The following CPXM2 variants were observed in gnomAD, a reference collection of about 807,000 sequenced individuals.
The protein encoded by CPXM2 is inactive carboxypeptidase-like protein X2.
CPXM2 carries 66 observed loss-of-function variants against 86.1 expected under a neutral mutation model. That is an observed-to-expected ratio of 0.77 (90% CI 0.63 to 0.94). The LOEUF (loss-of-function observed/expected upper bound fraction) is 0.94. CPXM2 is among the 40% of genes least tolerant of loss of function. The pLI, the probability that CPXM2 is intolerant of heterozygous loss-of-function variation, is 0.00. For missense variants in CPXM2, 948 were observed against 1,026.3 expected, an observed-to-expected ratio of 0.92 and a Z score of 1.04; for synonymous variants, 388 against 400.2, an observed-to-expected ratio of 0.97 and a Z score of 0.36.
chr10:123,838,152 C>A (rs1210651183), intron 4 of CPXM2, among the ~76,000 whole-genome samples: 1 of 152,202 alleles, frequency 6.6e-6, no homozygotes, highest in Admixed American at 6.5e-5. Flanking sequence ...TAAGATTATG[C>A]ATGTTCATTT....
chr10:123,801,382 C>T (rs2013096), intron 4 of CPXM2, among the ~76,000 whole-genome samples: 9,414 of 152,192 alleles, frequency 0.062, 293 homozygotes, highest in Non-Finnish European at 0.07. Context: ...ATTAAATCTC[C>T]TTTTCTTTAT....
chr10:123,935,670 G>GAA (rs936334029), intron 2 of CPXM2, among the ~76,000 whole-genome samples: 3 of 152,138 alleles, frequency 2.0e-5, no homozygotes, highest in African/African-American at 7.2e-5. Context: ...AAGATGGGAA[G>GAA]AAAAATAGCC....
At chr10:123,929,008 T>C (rs1371757659) in intron 2 of CPXM2, among the ~76,000 whole-genome samples, 1 of 152,166 alleles carries the variant, frequency 6.6e-6, no homozygotes, top group Non-Finnish European at 1.5e-5. Context: ...GGGGCACTCC[T>C]ACAGGGGGCC....
intron 6 of CPXM2, among the ~76,000 whole-genome samples, chr10:123,789,839 C>A (rs758325849): frequency 6.6e-6 from 1 of 151,876 alleles, no homozygotes; most frequent in Non-Finnish European, 1.5e-5. Flanking sequence ...GCAGGGGTGG[C>A]CGGGTGCGGT....
intron 7 of CPXM2, among the ~76,000 whole-genome samples, chr10:123,774,080 C>A (rs1221260374): frequency 6.6e-6 from 1 of 152,198 alleles, no homozygotes; most frequent in Non-Finnish European, 1.5e-5. Context: ...GAGCCAGGCA[C>A]CTGACCATGC....
At position 123,767,125 on chromosome 10, in the gene CPXM2, C is replaced by G. The variant is rs779359925; in HGVS notation, c.1327G>C (p.Gly443Arg). Residue 443 changes from glycine (G) to arginine (R), a missense_variant, in exon 10 of 14, where the codon GGA becomes CGA. By Grantham distance (125) the Gly-to-Arg change is moderately radical. Transcript: ENST00000241305. Reference sequence around the variant, plus strand: ...TCAATTCCATCGTGGGTCCAGCGTCCCAGGGACCAGCCTCCCAGCTCCGAG... The same window carrying G: ...TCAATTCCATCGTGGGTCCAGCGTCGCAGGGACCAGCCTCCCAGCTCCGAG... ...GGSELGGWSL[G>R]RWTHDGIDIN... 3.7e-5 allele frequency: 60 copies of G among 1,613,962 alleles called. No homozygotes were observed. The highest frequency in any genetic ancestry group is 4.9e-5 in the Non-Finnish European group (58 of 1,180,032).
chr10:123,812,685 G>A (rs1365308137), intron 4 of CPXM2, among the ~76,000 whole-genome samples: 5 of 152,198 alleles, frequency 3.3e-5, no homozygotes, highest in Admixed American at 2.6e-4. Context: ...ATCAGCGGTG[G>A]CATTAGGGCA....
chr10:123,910,639 G>A (rs867815403), intron 2 of CPXM2, among the ~76,000 whole-genome samples: 4 of 152,220 alleles, frequency 2.6e-5, no homozygotes, highest in Admixed American at 6.5e-5. Flanking sequence ...CATAACTGGT[G>A]TGAAATACAG....
chr10:123,778,727 A>T (rs1846862569), intron 7 of CPXM2, among the ~76,000 whole-genome samples: 1 of 152,216 alleles, frequency 6.6e-6, no homozygotes, highest in Non-Finnish European at 1.5e-5. Flanking sequence ...TGAGCTCAAG[A>T]AGCTGTCCTG....
Position 123,821,986 on chromosome 10 carries a change from A to T in CPXM2, c.653+20363T>A, listed in dbSNP as rs144227938. On this transcript the variant is annotated intron_variant, in intron 4 of 13. Coordinates refer to ENST00000241305, the MANE Select transcript of CPXM2 (RefSeq NM_198148.3). The stretch of plus-strand genomic sequence containing the variant: ...AGGGACTTATAACATTTTAAACACC[A>T]GAATAATTATTAGATAAGACAGGTT... 1.9e-3 allele frequency among the ~76,000 whole-genome samples: 282 copies of T among 152,320 alleles called. 1 individual carries two copies. Among genetic ancestry groups the T allele is most frequent in the African/African-American group, 6.4e-3 (267 of 41,580 alleles).
chr10:123,812,645 C>A (rs909568007), intron 4 of CPXM2, among the ~76,000 whole-genome samples: 2 of 152,196 alleles, frequency 1.3e-5, no homozygotes, highest in African/African-American at 4.8e-5. Flanking sequence ...GGTGAGTGAG[C>A]ATTACCAACT....
intron 7 of CPXM2, among the ~76,000 whole-genome samples, chr10:123,775,430 G>A (rs1320998421): frequency 6.6e-6 from 1 of 152,208 alleles, no homozygotes; most frequent in Non-Finnish European, 1.5e-5. Flanking sequence ...TTCAGCCCAG[G>A]CTGGCTTCCT....
At chr10:123,941,725 A>T (rs1945778996), upstream of CPXM2, among the ~76,000 whole-genome samples, 1 of 152,166 alleles carries the variant, frequency 6.6e-6, no homozygotes, top group Non-Finnish European at 1.5e-5. Flanking sequence ...ACCCCAGAGG[A>T]CTTTCCCCCT....
intron 2 of CPXM2, among the ~76,000 whole-genome samples, chr10:123,922,161 G>A (rs1945584155): frequency 6.6e-6 from 1 of 152,162 alleles, no homozygotes; most frequent in Non-Finnish European, 1.5e-5. Flanking sequence ...GAGCACCCAT[G>A]CCCCACACTT....
rs1361946520 is a variant in CPXM2, at chr10:123,891,611, C to G, written c.49G>C (p.Ala17Pro). 16 of 1,503,780 alleles carry G rather than the reference C, an allele frequency of 1.1e-5. No individual in the cohort carries two copies. Among genetic ancestry groups the G allele is most frequent in the Non-Finnish European group, 1.4e-5 (16 of 1,125,710 alleles). The allele number at this position is 1,503,780 out of a possible 1,614,324, so 93.2% of individuals were successfully genotyped here. A position where few individuals can be genotyped will look rare whatever the true frequency, so the allele number is the denominator to read the frequency against. The change falls in exon 1 of 14, where the codon GCA (alanine) becomes CCA (proline). Residue 17 changes from alanine (A) to proline (P), a missense_variant. Ala to Pro is a conservative substitution (Grantham distance 27, BLOSUM62 -1). Transcript: ENST00000241305. This position sits in a 1 kb window ranked among gnomAD's most constrained non-coding sequence, Gnocchi z 5.6. ...GCTCCGACCCCGGCCAGGGTCACTGCCAGGAGCACCAGGGCCAGCGCTGGG... is the reference window on the plus strand; with the variant it reads ...GCTCCGACCCCGGCCAGGGTCACTGGCAGGAGCACCAGGGCCAGCGCTGGG... ...ATPALALVLL[A>P]VTLAGVGAQG... is the part of the protein sequence containing the mutation.
chr10:123,788,953 T>C (rs1847138270), intron 6 of CPXM2, among the ~76,000 whole-genome samples: 2 of 150,474 alleles, frequency 1.3e-5, no homozygotes, highest in South Asian at 2.1e-4. Context: ...AGGTGCTTGG[T>C]CACAAGAGAT....
At position 123,751,005 on chromosome 10, in the gene CPXM2, C is replaced by T. The variant is rs114414349; in HGVS notation, c.2017+3658G>A. On this transcript the variant is annotated intron_variant, in intron 13 of 13. Coordinates refer to ENST00000241305, the MANE Select transcript of CPXM2 (RefSeq NM_198148.3). The stretch of plus-strand genomic sequence containing the variant: ...CCCCATGAGTGCTCAGGTCTGTGTT[C>T]AGGGTGAACCTTCTAGGGAGCTGCA... The T allele has an allele frequency of 1.8e-3, 1,787 of 985,426 alleles. 28 individuals are homozygous for T. The African/African-American group carries it at 0.029, about 16-fold the overall frequency. 61.0% of individuals were successfully genotyped at this position (985,426 alleles called of 1,614,324 possible). A position where few individuals can be genotyped will look rare whatever the true frequency, so the allele number is the denominator to read the frequency against.
intron 4 of CPXM2, among the ~76,000 whole-genome samples, chr10:123,824,971 C>A (rs1039237098): frequency 8.5e-5 from 13 of 152,220 alleles, no homozygotes; most frequent in Non-Finnish European, 1.9e-4. Flanking sequence ...GGAATCATGT[C>A]TTTTCCTGTT....
chr10:123,870,138 C>T (rs1243000201), intron 2 of CPXM2, among the ~76,000 whole-genome samples: 2 of 152,144 alleles, frequency 1.3e-5, no homozygotes, highest in African/African-American at 4.8e-5. Flanking sequence ...AACAGATGGG[C>T]ATCGTCGCTC....
Sources: allele counts gnomAD v4.1 joint callset (sites outside exome capture counted in the v4.1 genomes callset), GRCh38; gene constraint gnomAD v4.1.1; non-coding constraint Gnocchi (gnomAD v3.1); transcripts MANE v1.5; gene names NCBI Gene and HGNC (gene_info 2026-07-23, HGNC 2026-07-21).